The following ERCC6L2 variants were observed in gnomAD, a reference collection of about 807,000 sequenced individuals.
ERCC6L2 encodes DNA excision repair protein ERCC-6-like 2.
A neutral mutation model predicts 132.0 loss-of-function variants in ERCC6L2; 77 were observed. That is an observed-to-expected ratio of 0.58 (90% CI 0.49 to 0.71). The LOEUF (loss-of-function observed/expected upper bound fraction) is 0.71. ERCC6L2 is among the 30% of genes least tolerant of loss of function. The probability of loss-of-function intolerance (pLI) is 0.00; values close to 1 mark genes in which losing one functional copy is unlikely to be tolerated. For missense variants in ERCC6L2, 1,542 were observed against 1,837.6 expected (o/e 0.84, Z 2.94); for synonymous variants, 583 against 632.4 (o/e 0.92, Z 1.17).
At chr9:95,911,497 CAT>C (rs1203668058) in intron 4 of ERCC6L2, among the ~76,000 whole-genome samples, 7 of 151,678 alleles carry the variant, frequency 4.6e-5, no homozygotes, top group Non-Finnish European at 7.4e-5. Context: ...AACTATAAAT[CAT>C]ATATTTATAA....
rs1003992962 is a variant in ERCC6L2 at position 96,013,387 on chromosome 9, C to T, written c.*184C>T. ...TGTTTTTCTTGATATTTGATTTGAT[C>T]TTTCAAGAATATGATTGTATTTATA... On this transcript the variant is annotated 3_prime_UTR_variant, in exon 19 of 19. Coordinates refer to ENST00000653738, the MANE Select transcript of ERCC6L2 (RefSeq NM_020207.7). 1.1e-5 allele frequency: 4 copies of T among 378,706 alleles called. No homozygotes were observed. The highest frequency in any genetic ancestry group is 1.8e-5 in the Non-Finnish European group (4 of 225,612). The allele number at this position is 378,706 out of a possible 1,614,324, so 23.5% of individuals were successfully genotyped here. A position where few individuals can be genotyped will look rare whatever the true frequency, so the allele number is the denominator to read the frequency against.
At chr9:95,933,389 G>C (rs142826466) in intron 11 of ERCC6L2, among the ~76,000 whole-genome samples, 91 of 152,202 alleles carry the variant, frequency 6.0e-4, no homozygotes, top group Admixed American at 2.5e-3. Flanking sequence ...CTAATAAGCA[G>C]TTTTCCAAAG....
At chr9:95,894,632 T>C (rs956964065) in intron 2 of ERCC6L2, among the ~76,000 whole-genome samples, 4 of 148,560 alleles carry the variant, frequency 2.7e-5, no homozygotes, top group African/African-American at 1.0e-4. Context: ...TTCACTCTTA[T>C]TGCCCAAGAT....
At chr9:95,976,955 T>C (rs1370943745) in intron 16 of ERCC6L2, among the ~76,000 whole-genome samples, 2 of 152,236 alleles carry the variant, frequency 1.3e-5, no homozygotes, top group Non-Finnish European at 2.9e-5. Context: ...TTAATTATGA[T>C]TTATATCTTG....
chr9:96,002,423 CTT>C (rs11398688), intron 17 of ERCC6L2, among the ~76,000 whole-genome samples: 2 of 144,110 alleles, frequency 1.4e-5, no homozygotes. Context: ...GTTAGTTTGG[CTT>C]TTTTTTTTTT....
intron 6 of ERCC6L2, among the ~76,000 whole-genome samples, chr9:95,917,670 G>A (rs910784643): frequency 6.6e-6 from 1 of 152,158 alleles, no homozygotes; most frequent in Non-Finnish European, 1.5e-5. Context: ...TATAAGAAAA[G>A]AATTGTTCAT....
At chr9:95,918,212 TG>T (rs1280394565) in intron 6 of ERCC6L2, 1 of 466,720 alleles carries the variant, frequency 2.1e-6, no homozygotes, top group Admixed American at 2.3e-5. Context: ...GTAGACATGA[TG>T]AGACAAGCTG....
chr9:95,974,085 A>T (rs1489561719), intron 16 of ERCC6L2, among the ~76,000 whole-genome samples: 1 of 152,208 alleles, frequency 6.6e-6, no homozygotes, highest in East Asian at 1.9e-4. Flanking sequence ...CAAAATGTTT[A>T]TTCTCTCTCT....
chr9:95,938,460 G>A (rs1393688902), intron 11 of ERCC6L2, among the ~76,000 whole-genome samples: 1 of 151,948 alleles, frequency 6.6e-6, no homozygotes, highest in Non-Finnish European at 1.5e-5. Flanking sequence ...AACTATAATT[G>A]TGCATTTGCC....
At chr9:96,007,242 G>A (rs1446803071) in intron 18 of ERCC6L2, among the ~76,000 whole-genome samples, 1 of 152,238 alleles carries the variant, frequency 6.6e-6, no homozygotes, top group East Asian at 1.9e-4. Context: ...TCAGGGACAT[G>A]GAGGTTGAGC....
intron 17 of ERCC6L2, among the ~76,000 whole-genome samples, chr9:95,994,766 C>T (rs1258373376): frequency 3.2e-5 from 4 of 124,848 alleles, no homozygotes; most frequent in Admixed American, 8.6e-5. Context: ...TTTCTCCTGC[C>T]GAAATGGGAA....
intron 2 of ERCC6L2, among the ~76,000 whole-genome samples, chr9:95,892,335 A>G (rs1828214793): frequency 2.0e-5 from 3 of 151,582 alleles, no homozygotes; most frequent in Non-Finnish European, 4.4e-5. Flanking sequence ...GAAATAGCAA[A>G]TAGTGAATAT....
intron 18 of ERCC6L2, among the ~76,000 whole-genome samples, chr9:96,006,510 A>G (rs1833868577): frequency 6.6e-6 from 1 of 152,172 alleles, no homozygotes; most frequent in Admixed American, 6.5e-5. Flanking sequence ...CCCTGGCGGG[A>G]GGTGGCTGGT....
In ERCC6L2 at chr9:95,972,602, A is replaced by G. The variant is rs1271141170; in HGVS notation, c.2851A>G (p.Lys951Glu). The G allele has an allele frequency of 4.7e-6, 6 of 1,289,496 alleles. No individual in the cohort carries two copies. Among genetic ancestry groups the G allele is most frequent in the Non-Finnish European group, 6.1e-6 (6 of 988,630 alleles). 79.9% of individuals were successfully genotyped at this position (1,289,496 alleles called of 1,614,324 possible). A position where few individuals can be genotyped will look rare whatever the true frequency, so the allele number is the denominator to read the frequency against. ...NNDNSRNTDD[K>E]RNGIISKKLS... The stretch of plus-strand genomic sequence containing the variant: ...TGATAATAGTCGAAACACTGATGAC[A>G]AAAGAAATGGAATAATTTCAAAAAA... The change falls in exon 16 of 19, where the codon AAA becomes GAA. Residue 951 changes from lysine (K) to glutamate (E), a missense_variant. Physicochemically the swap from Lys to Glu is moderately conservative, Grantham distance 56. This residue lies in a region of ERCC6L2 where 945 missense variants were observed against 1,105.2 expected (regional missense o/e 0.86). Coordinates refer to ENST00000653738, the MANE Select transcript of ERCC6L2 (RefSeq NM_020207.7).
rs560713465 is a variant in ERCC6L2 at position 95,928,409 on chromosome 9, C to T, written c.1605+259C>T. 1.2e-5 allele frequency: 5 copies of T among 402,966 alleles called. 1 individual carries two copies. Among genetic ancestry groups the T allele is most frequent in the South Asian group, 1.6e-4 (2 of 12,204 alleles). 25.0% of individuals were successfully genotyped at this position (402,966 alleles called of 1,614,324 possible). A position where few individuals can be genotyped will look rare whatever the true frequency, so the allele number is the denominator to read the frequency against. Reference sequence around the variant, plus strand: ...AATTACAATGTTCTTTAAGACATTTCATATATTTTAGAACTTAAAAAATAG... The same window carrying T: ...AATTACAATGTTCTTTAAGACATTTTATATATTTTAGAACTTAAAAAATAG... On this transcript the variant is annotated intron_variant, in intron 10 of 18. Coordinates refer to ENST00000653738, the MANE Select transcript of ERCC6L2 (RefSeq NM_020207.7).
chr9:95,959,030 T>C (rs1831763423), intron 13 of ERCC6L2, among the ~76,000 whole-genome samples: 1 of 151,904 alleles, frequency 6.6e-6, no homozygotes, highest in African/African-American at 2.4e-5. Context: ...AAAACTACTT[T>C]AAAGTTCATA....
downstream of ERCC6L2, chr9:96,021,078 A>G: frequency 2.3e-6 from 1 of 442,622 alleles, no homozygotes; most frequent in South Asian, 1.6e-5. The surrounding 1 kb of genome is among the most constrained non-coding windows in gnomAD (Gnocchi z 4.7). Flanking sequence ...CGCCGGGCAC[A>G]GGGAGGCCGT....
rs753000335 is a variant in ERCC6L2 at position 96,012,700 on chromosome 9, T to C, written c.4150T>C (p.Ser1384Pro). 1.5e-6 allele frequency: 2 copies of C among 1,367,530 alleles called. No homozygotes were observed. The highest frequency in any genetic ancestry group is 9.8e-7 in the Non-Finnish European group (1 of 1,021,856). 84.7% of individuals were successfully genotyped at this position (1,367,530 alleles called of 1,614,324 possible). The change falls in exon 19 of 19, where the codon TCT becomes CCT. Residue 1384 changes from serine (S) to proline (P), a missense_variant. Around this residue, in one of 4 missense-constraint regions of ERCC6L2, gnomAD observed 442 missense variants for 583.4 expected, o/e 0.76. Transcript: ENST00000653738. ...ATCCGAAGATACTGTGACATCCCGT[T>C]CTCTGAACAGTGAGTCTGAAACACG... ...QASEDTVTSR[S>P]LNSESETRER...
At chr9:95,934,647 T>C (rs533052411) in intron 11 of ERCC6L2, among the ~76,000 whole-genome samples, 4 of 152,246 alleles carry the variant, frequency 2.6e-5, no homozygotes, top group Admixed American at 2.6e-4. Context: ...AATCATACAC[T>C]AGTTGACTAC....
Sources: allele counts gnomAD v4.1 joint callset (sites outside exome capture counted in the v4.1 genomes callset), GRCh38; gene constraint gnomAD v4.1.1; regional missense constraint gnomAD v4.1.1; non-coding constraint Gnocchi (gnomAD v3.1); transcripts MANE v1.5; gene names NCBI Gene and HGNC (gene_info 2026-07-23, HGNC 2026-07-21).